MEIS1: variants seen among roughly 807,000 people sequenced by gnomAD.
MEIS1 encodes Meis homeobox 1.
A neutral mutation model predicts 50.8 loss-of-function variants in MEIS1; 5 were observed. The ratio of observed to expected loss-of-function variants is 0.10; its 90% CI spans 0.05 to 0.21. MEIS1 has a LOEUF of 0.21. Ranked by LOEUF, MEIS1 falls within the 10% of genes least tolerant of loss-of-function variation. MEIS1 has a pLI of 1.00. For synonymous variants in MEIS1, 176 were observed against 179.3 expected (o/e 0.98, Z 0.15); for missense variants, 318 against 517.3 (o/e 0.61, Z 3.74).
At chr2:66,558,196 T>A (rs1474200485) in intron 9 of MEIS1, among the ~76,000 whole-genome samples, 1 of 142,836 alleles carries the variant, frequency 7.0e-6, no homozygotes, top group Non-Finnish European at 1.5e-5. Context: ...GGAGAATCGC[T>A]TGAACGCATA....
chr2:66,452,989 A>G (rs1022672269), intron 6 of MEIS1, among the ~76,000 whole-genome samples: 5 of 151,952 alleles, frequency 3.3e-5, no homozygotes, highest in Admixed American at 2.6e-4. Flanking sequence ...GGCAGTAACA[A>G]TCTGCATTTA....
chr2:66,442,846 T>C, intron 5 of MEIS1, 56 bp from the exon 6 acceptor site: 1 of 1,483,788 alleles, frequency 6.7e-7, no homozygotes, highest in Non-Finnish European at 9.0e-7. Context: ...CACTTGTCAA[T>C]GTCATTTATG....
Position 66,464,270 on chromosome 2 carries a change from GA to G in MEIS1, c.742+55del, listed in dbSNP as rs1672585903. 3.6e-6 allele frequency: 5 copies of G among 1,404,208 alleles called. No homozygotes were observed. In the Admixed American group the frequency reaches 5.9e-5, roughly 17 times the overall value. 87.0% of individuals were successfully genotyped at this position (1,404,208 alleles called of 1,614,324 possible). ...GCTACTTGTTTCATTTTTAAGGATT[GA>G]AAAATCAGAAATGTCTAGTGAGTTA... On this transcript the variant is annotated intron_variant, in intron 7 of 12. Transcript: ENST00000272369.
At chr2:66,562,800 T>G (rs560465706) in intron 9 of MEIS1, among the ~76,000 whole-genome samples, 16 of 152,248 alleles carry the variant, frequency 1.1e-4, no homozygotes, top group African/African-American at 3.8e-4. Flanking sequence ...AAAGGAAATA[T>G]AAAGATTCTT....
chr2:66,437,057 G>A, intron 1 of MEIS1: 1 of 664,188 alleles, frequency 1.5e-6, no homozygotes, highest in Non-Finnish European at 1.9e-6. Flanking sequence ...TTTGGGGGTG[G>A]GGAATTGCCC....
intron 7 of MEIS1, among the ~76,000 whole-genome samples, chr2:66,490,113 C>T (rs994223735): frequency 2.6e-5 from 4 of 152,206 alleles, no homozygotes; most frequent in African/African-American, 9.6e-5. Flanking sequence ...ATGAAAAAGT[C>T]AAAATCCATT....
chr2:66,478,512 G>A (rs1231767588), intron 7 of MEIS1, among the ~76,000 whole-genome samples: 4 of 152,182 alleles, frequency 2.6e-5, no homozygotes, highest in African/African-American at 9.7e-5. Flanking sequence ...GCCATGTGCT[G>A]CCCAGATCCA....
chr2:66,505,582 C>T (rs1673667526), intron 7 of MEIS1, among the ~76,000 whole-genome samples: 1 of 152,092 alleles, frequency 6.6e-6, no homozygotes, highest in East Asian at 1.9e-4. Flanking sequence ...ATCAAATTGT[C>T]TGCTTAGAAA....
intron 8 of MEIS1, among the ~76,000 whole-genome samples, chr2:66,529,805 G>A (rs1674345561): frequency 6.6e-6 from 1 of 152,152 alleles, no homozygotes; most frequent in African/African-American, 2.4e-5. Context: ...TAGGAGAAAG[G>A]ATATTTGAAT....
intron 9 of MEIS1, among the ~76,000 whole-genome samples, chr2:66,549,966 G>A (rs1674880115): frequency 6.6e-6 from 1 of 152,148 alleles, no homozygotes; most frequent in Non-Finnish European, 1.5e-5. Flanking sequence ...TAAATTCTAT[G>A]CACAGTCTCT....
chr2:66,502,122 T>A (rs1673571193), intron 7 of MEIS1, among the ~76,000 whole-genome samples: 2 of 152,252 alleles, frequency 1.3e-5, no homozygotes, highest in Admixed American at 1.3e-4. Flanking sequence ...GATGTTTATA[T>A]ACATACAGCC....
intron 7 of MEIS1, among the ~76,000 whole-genome samples, chr2:66,470,038 G>C (rs574527483): frequency 6.6e-6 from 1 of 151,752 alleles, no homozygotes; most frequent in Non-Finnish European, 1.5e-5. Flanking sequence ...TTTATTTTTT[G>C]TTGTTTCATT....
At chr2:66,514,257 A>G (rs1673907992) in intron 8 of MEIS1, among the ~76,000 whole-genome samples, 1 of 152,206 alleles carries the variant, frequency 6.6e-6, no homozygotes, top group Non-Finnish European at 1.5e-5. Flanking sequence ...AAGCTATTTT[A>G]TGCAGCCACT....
intron 8 of MEIS1, among the ~76,000 whole-genome samples, chr2:66,523,582 G>A (rs140965836): frequency 1.4e-4 from 22 of 152,288 alleles, no homozygotes; most frequent in African/African-American, 3.6e-4. Context: ...TTGAGCTGAC[G>A]TGTATGTTGA....
At position 66,521,453 on chromosome 2, in the gene MEIS1, C is replaced by T. The variant is rs181964113; in HGVS notation, c.888+9159C>T. On this transcript the variant is annotated intron_variant, in intron 8 of 12. Coordinates refer to ENST00000272369, the MANE Select transcript of MEIS1 (RefSeq NM_002398.3). Reference sequence around the variant, plus strand: ...ATAGAGGAAACTGCTTATGCAGCCCCGATTACTCTTGAAACTACAATCCAA... The same window carrying T: ...ATAGAGGAAACTGCTTATGCAGCCCTGATTACTCTTGAAACTACAATCCAA... Among the ~76,000 whole-genome samples the T allele has an allele frequency of 7.9e-5, 12 of 152,164 alleles. No individual in the cohort carries two copies. In the East Asian group the frequency reaches 9.7e-4, roughly 12 times the overall value.
chr2:66,495,108 T>A (rs13383246), intron 7 of MEIS1, among the ~76,000 whole-genome samples: 288 of 109,732 alleles, frequency 2.6e-3, no homozygotes, highest in African/African-American at 3.7e-3. Flanking sequence ...TTTTTTTTTT[T>A]AAACTAAGGA....
intron 1 of MEIS1, chr2:66,436,852 T>C (rs970187660): frequency 1.0e-5 from 10 of 973,710 alleles, no homozygotes; most frequent in Middle Eastern, 5.2e-4. Flanking sequence ...CACAAAATAA[T>C]GACAATCAAT....
At position 66,504,307 on chromosome 2, in the gene MEIS1, C is replaced by T. The variant is rs1271119742; in HGVS notation, c.743-7842C>T. On this transcript the variant is annotated intron_variant, in intron 7 of 12. Coordinates refer to ENST00000272369, the MANE Select transcript of MEIS1 (RefSeq NM_002398.3). The stretch of plus-strand genomic sequence containing the variant: ...AGAGTGCAGTGACGCGACCTCAGCT[C>T]ACTGCAGCCTCCGCCTCCTGGGTTC... Among the ~76,000 whole-genome samples, 6 of 152,122 alleles carry T rather than the reference C, an allele frequency of 3.9e-5. No individual in the cohort carries two copies. The East Asian group carries it at 1.2e-3, about 30-fold the overall frequency.
Position 66,567,748 on chromosome 2 carries a change from C to T in MEIS1, c.1024+237C>T, listed in dbSNP as rs1161261381. ...AGAAAAGTAACTCTTAAATAATATG[C>T]TCAGTTACAATATTCTTTGTACACA... On this transcript the variant is annotated intron_variant, in intron 10 of 12. Coordinates refer to ENST00000272369, the MANE Select transcript of MEIS1 (RefSeq NM_002398.3). 4.7e-6 allele frequency: 3 copies of T among 637,952 alleles called. No homozygotes were observed. In the African/African-American group the frequency reaches 5.5e-5, roughly 12 times the overall value. The allele number at this position is 637,952 out of a possible 1,614,324, so 39.5% of individuals were successfully genotyped here.
Sources: gnomAD v4.1 joint callset for allele counts (sites outside exome capture counted in the v4.1 genomes callset) on GRCh38, gnomAD v4.1.1 for gene constraint, MANE v1.5 for transcripts, NCBI Gene and HGNC (gene_info 2026-07-23, HGNC 2026-07-21) for gene names.